The following SLC25A35 variants were observed in gnomAD, a reference collection of about 807,000 sequenced individuals.
The protein encoded by SLC25A35 is solute carrier family 25, member 35.
In SLC25A35, 32 loss-of-function variants were observed where a neutral mutation model predicts 30.5. The ratio of observed to expected loss-of-function variants is 1.05; its 90% confidence interval spans 0.79 to 1.41. The LOEUF (loss-of-function observed/expected upper bound fraction) is 1.41, where lower values mean the gene tolerates loss of function less well. Ranked by LOEUF, SLC25A35 falls within the 40% of genes most tolerant of loss-of-function variation. SLC25A35 has a pLI of 0.00. For missense variants in SLC25A35, 369 were observed against 388.0 expected, an observed-to-expected ratio of 0.95 and a Z score of 0.41; for synonymous variants, 142 against 158.1, an observed-to-expected ratio of 0.90 and a Z score of 0.77.
At chr17:8,289,825 G>A, downstream of SLC25A35, 4 of 1,613,958 alleles carry the variant, frequency 2.5e-6, no homozygotes, top group Non-Finnish European at 3.4e-6. Context: ...CTGACAACAG[G>A]TCATCTCTTG....
chr17:8,289,183 C>G, downstream of SLC25A35: 1 of 1,602,766 alleles, frequency 6.2e-7, no homozygotes, highest in Non-Finnish European at 8.5e-7. Context: ...GGCCGGGAGC[C>G]AGGCCTGCAA....
Position 8,294,553 on chromosome 17 carries a change from CCCATAGGTGCCCAGTCGGATG to C in SLC25A35, c.234_254del (p.Ile79_Gly85del). ...GCAGGTAGCCCCCAGCCTCAGCCAG[CCCATAGGTGCCCAGTCGGATG>C]CCATTCATCAGGAACTGGTACAAGA... On this transcript the variant is annotated inframe_deletion, in exon 1 of 5. Coordinates refer to ENST00000577745, the MANE Select transcript of SLC25A35 (RefSeq NM_001320870.2). 1 of 1,614,106 alleles carries C rather than the reference CCCATAGGTGCCCAGTCGGATG, an allele frequency of 6.2e-7. No individual in the cohort carries two copies. Among genetic ancestry groups the C allele is most frequent in the Admixed American group, 1.7e-5 (1 of 60,028 alleles).
chr17:8,293,831 G>A (rs1286851283), intron 1 of SLC25A35, among the ~76,000 whole-genome samples: 1 of 150,316 alleles, frequency 6.7e-6, no homozygotes, highest in Non-Finnish European at 1.5e-5. Flanking sequence ...GATTACTGGC[G>A]TGAGCCACCG....
Position 8,295,400 on chromosome 17 carries a change from T to C in SLC25A35, c.-593A>G. ...GGCCGGGCCGCCACACTCCTGCCAC[T>C]GGAGCGCGGGGCCAATGGGGAGCCT... On this transcript the variant is annotated 5_prime_UTR_variant, in exon 1 of 5. Coordinates refer to ENST00000577745, the MANE Select transcript of SLC25A35 (RefSeq NM_001320870.2). 3.1e-6 allele frequency: 3 copies of C among 980,642 alleles called. No homozygotes were observed. Among genetic ancestry groups the C allele is most frequent in the South Asian group, 4.7e-5 (1 of 21,194 alleles). 60.7% of individuals were successfully genotyped at this position (980,642 alleles called of 1,614,324 possible).
At chr17:8,289,597 G>A, downstream of SLC25A35, 1 of 1,611,380 alleles carries the variant, frequency 6.2e-7, no homozygotes, top group Non-Finnish European at 8.5e-7. Flanking sequence ...CCGTAAGGAG[G>A]AAGGAACGGG....
Position 8,290,268 on chromosome 17 carries a change from C to T in SLC25A35, c.*237G>A, listed in dbSNP as rs962131624. On this transcript the variant is annotated 3_prime_UTR_variant, in exon 5 of 5. Coordinates refer to ENST00000577745, the MANE Select transcript of SLC25A35 (RefSeq NM_001320870.2). Reference sequence around the variant, plus strand: ...ACACTTTGGGATGACTCGTTCAGCCCTGAGAGAGGGGTGTGAGTTACCCAG... The same window carrying T: ...ACACTTTGGGATGACTCGTTCAGCCTTGAGAGAGGGGTGTGAGTTACCCAG... 3.7e-5 allele frequency: 53 copies of T among 1,426,028 alleles called. No homozygotes were observed. Among genetic ancestry groups the T allele is most frequent in the Non-Finnish European group, 4.4e-5 (48 of 1,095,750 alleles). 88.3% of individuals were successfully genotyped at this position (1,426,028 alleles called of 1,614,324 possible). A position where few individuals can be genotyped will look rare whatever the true frequency, so the allele number is the denominator to read the frequency against.
chr17:8,289,720 CTGATA>C, downstream of SLC25A35: 2 of 1,613,816 alleles, frequency 1.2e-6, no homozygotes, highest in South Asian at 1.1e-5. Flanking sequence ...TTTGGGGTAA[CTGATA>C]CCCAGGTCCT....
downstream of SLC25A35, chr17:8,289,224 G>T: frequency 1.2e-6 from 2 of 1,611,072 alleles, no homozygotes; most frequent in Non-Finnish European, 1.7e-6. Context: ...GGCGACCAGA[G>T]ATGTCCCTTC....
intron 3 of SLC25A35, 60 bp downstream of exon 3, chr17:8,291,273 G>A: frequency 6.3e-7 from 1 of 1,596,694 alleles, no homozygotes; most frequent in Non-Finnish European, 8.5e-7. Flanking sequence ...AGGGCCTAGT[G>A]CAGCTTGCCC....
chr17:8,293,208 GC>G (rs1432920731), intron 1 of SLC25A35, among the ~76,000 whole-genome samples: 1 of 152,158 alleles, frequency 6.6e-6, no homozygotes, highest in African/African-American at 2.4e-5. Flanking sequence ...CCCTTTCTGG[GC>G]CTCAGGCTCT....
downstream of SLC25A35, chr17:8,290,015 G>A: frequency 6.2e-7 from 1 of 1,606,604 alleles, no homozygotes; most frequent in Non-Finnish European, 8.5e-7. Context: ...TGAAAAGAGG[G>A]TTTCCTCTTA....
intron 3 of SLC25A35, 23 bp downstream of exon 3, chr17:8,291,309 AC>A: frequency 6.2e-7 from 1 of 1,612,564 alleles, no homozygotes; most frequent in Non-Finnish European, 8.5e-7. Context: ...CCCGAAACAG[AC>A]CCACCCATTT....
chr17:8,294,653 G>A lies in SLC25A35; in HGVS notation c.155C>T (p.Thr52Ile). The change falls in exon 1 of 5, where the codon ACC becomes ATC. Residue 52 changes from threonine to isoleucine, a missense_variant. Thr to Ile is a moderately conservative substitution (Grantham distance 89). Transcript: ENST00000577745. ...AGCAAGGCCATCCACCTTGCCGATG[G>A]TGATGAAGGCATGGAAGACATTTCG... is the stretch of plus-strand genomic sequence containing the variant. ...HYRNVFHAFI[T>I]IGKVDGLAAL... 6.2e-7 allele frequency: 1 copy of A among 1,614,208 alleles called. No individual in the cohort carries two copies. The highest frequency in any genetic ancestry group is 8.5e-7 in the Non-Finnish European group (1 of 1,180,046).
At chr17:8,293,989 C>T (rs1990689323) in intron 1 of SLC25A35, among the ~76,000 whole-genome samples, 1 of 148,306 alleles carries the variant, frequency 6.7e-6, no homozygotes, top group African/African-American at 2.5e-5. Context: ...GATCTCGGCT[C>T]ACTGCAAGCT....
Position 8,295,182 on chromosome 17 carries a change from G to T in SLC25A35, c.-375C>A. ...CGCGGGGTTGGGAGATGGAAGCCAG[G>T]GAGGCAGGAAGAAGAAAGCCAGCAA... is the stretch of plus-strand genomic sequence containing the variant. On this transcript the variant is annotated 5_prime_UTR_variant, in exon 1 of 5. Coordinates refer to ENST00000577745, the MANE Select transcript of SLC25A35 (RefSeq NM_001320870.2). 9.8e-7 allele frequency: 1 copy of T among 1,021,698 alleles called. No individual in the cohort carries two copies. The highest frequency in any genetic ancestry group is 1.2e-6 in the Non-Finnish European group (1 of 853,576). 63.3% of individuals were successfully genotyped at this position (1,021,698 alleles called of 1,614,324 possible). A position where few individuals can be genotyped will look rare whatever the true frequency, so the allele number is the denominator to read the frequency against.
downstream of SLC25A35, chr17:8,288,712 C>T (rs993063336): frequency 1.0e-5 from 16 of 1,535,154 alleles, no homozygotes; most frequent in Non-Finnish European, 1.4e-5. Context: ...GCTGCGAAAC[C>T]CAGGGAGCCG....
downstream of SLC25A35, chr17:8,289,593 G>T: frequency 6.2e-7 from 1 of 1,611,754 alleles, no homozygotes; most frequent in Non-Finnish European, 8.5e-7. Flanking sequence ...GCCCCCGTAA[G>T]GAGGAAGGAA....
intron 3 of SLC25A35, 130 bp downstream of exon 3, chr17:8,291,203 G>A: frequency 7.1e-7 from 1 of 1,410,560 alleles, no homozygotes; most frequent in Non-Finnish European, 9.7e-7. Flanking sequence ...GGTCTAAAGA[G>A]TTGACCTCCA....
chr17:8,288,666 A>T (rs952354591), downstream of SLC25A35: 19 of 1,131,392 alleles, frequency 1.7e-5, no homozygotes, highest in Middle Eastern at 1.9e-4. Flanking sequence ...ATCTTAAAGG[A>T]TCCGGGAGCT....
Sources: allele counts gnomAD v4.1 joint callset (sites outside exome capture counted in the v4.1 genomes callset), GRCh38; gene constraint gnomAD v4.1.1; transcripts MANE v1.5; gene names NCBI Gene and HGNC (gene_info 2026-07-23, HGNC 2026-07-21).